The following MAF variants were observed in gnomAD, a reference collection of about 807,000 sequenced individuals.
MAF encodes the protein MAF bZIP transcription factor, also known as transcription factor Maf.
In MAF, 10 loss-of-function variants were observed where a neutral mutation model predicts 22.0. The ratio of observed to expected loss-of-function variants is 0.45; its 90% CI spans 0.28 to 0.77. The LOEUF is 0.77. Among genes scored for constraint, MAF ranks in the 30% least tolerant of loss-of-function variants. The probability of loss-of-function intolerance (pLI) is 0.12; values close to 1 mark genes in which losing one functional copy is unlikely to be tolerated. For synonymous variants in MAF, 337 were observed against 255.8 expected, an observed-to-expected ratio of 1.32 and a Z score of -3.03; for missense variants, 544 against 548.4, an observed-to-expected ratio of 0.99 and a Z score of 0.08.
the MAF span, among the ~76,000 whole-genome samples, chr16:79,559,052 TG>T: frequency 6.6e-6 from 1 of 152,220 alleles, no homozygotes; most frequent in Admixed American, 6.5e-5. Flanking sequence ...TGTTTGTTTG[TG>T]AGCTGTTGAC....
the MAF span, among the ~76,000 whole-genome samples, chr16:79,527,395 T>C: frequency 6.6e-6 from 1 of 152,188 alleles, no homozygotes; most frequent in Non-Finnish European, 1.5e-5. Flanking sequence ...CTTCCTGGCA[T>C]CTCAAGTCAG....
chr16:79,390,771 G>T, the MAF span, among the ~76,000 whole-genome samples: 5 of 152,164 alleles, frequency 3.3e-5, no homozygotes, highest in African/African-American at 1.2e-4. Flanking sequence ...AATTGTCCTT[G>T]TTCTGTATGA....
the MAF span, among the ~76,000 whole-genome samples, chr16:79,549,192 A>G: frequency 6.6e-6 from 1 of 152,174 alleles, no homozygotes; most frequent in Non-Finnish European, 1.5e-5. Flanking sequence ...GAACAACTGC[A>G]AGAGTGTCCA....
chr16:79,318,953 T>TCA, the MAF span, among the ~76,000 whole-genome samples: 7 of 151,854 alleles, frequency 4.6e-5, no homozygotes, highest in African/African-American at 1.2e-4. Context: ...TCCATGAAAC[T>TCA]CACACACACA....
At chr16:79,351,013 A>G in the MAF span, among the ~76,000 whole-genome samples, 2 of 152,028 alleles carry the variant, frequency 1.3e-5, no homozygotes, top group African/African-American at 4.8e-5. Flanking sequence ...CAGGCTTGAG[A>G]ATCCTACAGA....
At chr16:79,588,118 G>C (rs1352146066) in intron 1 of MAF, among the ~76,000 whole-genome samples, 1 of 152,164 alleles carries the variant, frequency 6.6e-6, no homozygotes, top group East Asian at 1.9e-4. Context: ...TCTTTAAATA[G>C]TACAGGAGCA....
At chr16:79,297,669 T>A in the MAF span, among the ~76,000 whole-genome samples, 1 of 152,226 alleles carries the variant, frequency 6.6e-6, no homozygotes, top group African/African-American at 2.4e-5. Context: ...GAGCACTCAG[T>A]AAACACTACC....
chr16:79,339,170 C>T, the MAF span, among the ~76,000 whole-genome samples: 5 of 152,062 alleles, frequency 3.3e-5, no homozygotes, highest in Non-Finnish European at 7.4e-5. Flanking sequence ...CCCGGGTTCA[C>T]GCCATTCTCC....
At chr16:79,417,875 C>T in the MAF span, among the ~76,000 whole-genome samples, 6,802 of 152,164 alleles carry the variant, frequency 0.045, 348 homozygotes, top group African/African-American at 0.13. Context: ...TCCACGATAA[C>T]GCATCCGTAT....
chr16:79,284,863 C>A, the MAF span, among the ~76,000 whole-genome samples: 9 of 152,270 alleles, frequency 5.9e-5, no homozygotes, highest in South Asian at 1.9e-3. Flanking sequence ...GTTAAAAATA[C>A]AGAACTCTGG....
At chr16:79,475,165 A>T in the MAF span, among the ~76,000 whole-genome samples, 2 of 152,044 alleles carry the variant, frequency 1.3e-5, no homozygotes, top group South Asian at 4.2e-4. Flanking sequence ...ATAAACACAA[A>T]CTCGAGTTTA....
the MAF span, among the ~76,000 whole-genome samples, chr16:79,268,197 G>A: frequency 6.6e-6 from 1 of 152,110 alleles, no homozygotes; most frequent in Admixed American, 6.5e-5. Flanking sequence ...CCAGCCCTGG[G>A]GTTGGAATCA....
At chr16:79,434,467 G>C in the MAF span, among the ~76,000 whole-genome samples, 1 of 152,236 alleles carries the variant, frequency 6.6e-6, no homozygotes, top group South Asian at 2.1e-4. Context: ...GTAACAATTG[G>C]CTCTTGGGGG....
the MAF span, among the ~76,000 whole-genome samples, chr16:79,474,064 A>T: frequency 6.6e-6 from 1 of 152,094 alleles, no homozygotes; most frequent in Non-Finnish European, 1.5e-5. Context: ...AGAGAGGAAG[A>T]TGGATAATCT....
chr16:79,217,866 G>A, the MAF span, among the ~76,000 whole-genome samples: 1 of 151,364 alleles, frequency 6.6e-6, no homozygotes, highest in Admixed American at 6.6e-5. Flanking sequence ...GTTTTGTTTT[G>A]AACTCCAGTG....
chr16:79,470,687 G>T, the MAF span, among the ~76,000 whole-genome samples: 1 of 152,150 alleles, frequency 6.6e-6, no homozygotes, highest in South Asian at 2.1e-4. Context: ...TTAAGAATTG[G>T]CTTCATGTAC....
chr16:79,317,805 C>T, the MAF span, among the ~76,000 whole-genome samples: 4 of 152,196 alleles, frequency 2.6e-5, no homozygotes, highest in African/African-American at 9.7e-5. Flanking sequence ...ATCATCTGCA[C>T]TTCTCTTTGC....
the MAF span, among the ~76,000 whole-genome samples, chr16:79,283,661 G>C: frequency 6.6e-6 from 1 of 152,204 alleles, no homozygotes; most frequent in Non-Finnish European, 1.5e-5. Flanking sequence ...AAATATGGTA[G>C]TGTCGCCATA....
the MAF span, among the ~76,000 whole-genome samples, chr16:79,409,847 G>C: frequency 6.6e-6 from 1 of 152,172 alleles, no homozygotes; most frequent in Non-Finnish European, 1.5e-5. Flanking sequence ...TAATCCCATA[G>C]CCACTAGCCA....
Sources: gnomAD v4.1 joint callset for allele counts (sites outside exome capture counted in the v4.1 genomes callset) on GRCh38, gnomAD v4.1.1 for gene constraint, MANE v1.5 for transcripts, NCBI Gene and HGNC (gene_info 2026-07-23, HGNC 2026-07-21) for gene names.